The following RBKS variants were observed in gnomAD, a reference collection of about 807,000 sequenced individuals.
The protein encoded by RBKS is ribokinase.
In RBKS, 33 loss-of-function variants were observed where a neutral mutation model predicts 33.9. That is an observed-to-expected ratio of 0.97 (90% CI 0.74 to 1.30). RBKS has a LOEUF of 1.30. Ranked by LOEUF, RBKS falls within the 50% of genes most tolerant of loss-of-function variation. The pLI, the probability that RBKS is intolerant of heterozygous loss-of-function variation, is 0.00. For synonymous variants in RBKS, 125 were observed against 143.0 expected, an observed-to-expected ratio of 0.87 and a Z score of 0.90; for missense variants, 361 against 392.6, an observed-to-expected ratio of 0.92 and a Z score of 0.68.
At chr2:27,887,413 C>A (rs62140363) in intron 1 of RBKS, among the ~76,000 whole-genome samples, 1 of 152,014 alleles carries the variant, frequency 6.6e-6, no homozygotes. Flanking sequence ...AATAAACTTG[C>A]GTTAATTATT....
At chr2:27,823,739 C>T (rs1411236568) in intron 7 of RBKS, among the ~76,000 whole-genome samples, 1 of 152,158 alleles carries the variant, frequency 6.6e-6, no homozygotes, top group African/African-American at 2.4e-5. Context: ...AAAATCACTA[C>T]CCTGGTTCCT....
intron 2 of RBKS, among the ~76,000 whole-genome samples, chr2:27,857,701 T>C (rs1663886706): frequency 6.6e-6 from 1 of 152,200 alleles, no homozygotes; most frequent in Non-Finnish European, 1.5e-5. Flanking sequence ...GTACGCTAAT[T>C]TCCCTCACTT....
intron 7 of RBKS, among the ~76,000 whole-genome samples, chr2:27,824,906 G>A (rs1217723732): frequency 6.6e-6 from 1 of 152,178 alleles, no homozygotes; most frequent in East Asian, 1.9e-4. Context: ...GGAGGCTGAA[G>A]TGGGTGGATT....
At chr2:27,813,905 T>C (rs960325285) in intron 7 of RBKS, among the ~76,000 whole-genome samples, 2 of 152,212 alleles carry the variant, frequency 1.3e-5, no homozygotes, top group Non-Finnish European at 2.9e-5. Flanking sequence ...AAGCTAATAC[T>C]GTCTTCAAAT....
At chr2:27,841,054 G>A (rs72810533) in intron 5 of RBKS, among the ~76,000 whole-genome samples, 2,349 of 152,232 alleles carry the variant, frequency 0.015, 32 homozygotes, top group South Asian at 0.054. Flanking sequence ...AGGCCAAGTG[G>A]TCTGTGGCCC....
chr2:27,802,430 TTGTGTG>T (rs35820162), intron 7 of RBKS, among the ~76,000 whole-genome samples: 39,526 of 148,996 alleles, frequency 0.27, 5,731 homozygotes, highest in East Asian at 0.57. Context: ...GAACATATGT[TTGTGTG>T]TGTGTGTGTG....
At chr2:27,812,964 G>C (rs935077705) in intron 7 of RBKS, among the ~76,000 whole-genome samples, 1 of 151,210 alleles carries the variant, frequency 6.6e-6, no homozygotes, top group African/African-American at 2.4e-5. Context: ...AAAATATGTA[G>C]TTTTATATGC....
At chr2:27,794,924 C>T (rs554993797) in intron 7 of RBKS, among the ~76,000 whole-genome samples, 4 of 152,088 alleles carry the variant, frequency 2.6e-5, no homozygotes, top group South Asian at 2.1e-4. Context: ...ATGCCCAGCC[C>T]AGGAGGAACA....
chr2:27,855,437 A>G (rs962203592), intron 2 of RBKS, among the ~76,000 whole-genome samples: 2 of 152,210 alleles, frequency 1.3e-5, no homozygotes, highest in Non-Finnish European at 2.9e-5. Flanking sequence ...TTACTTGACC[A>G]TGGTCCTCTC....
chr2:27,889,087 G>C (rs1395528816), intron 1 of RBKS, among the ~76,000 whole-genome samples: 2 of 152,124 alleles, frequency 1.3e-5, no homozygotes, highest in Admixed American at 1.3e-4. Flanking sequence ...TCAAGTTTTC[G>C]TCAGTCACTA....
At chr2:27,877,275 G>C (rs754556197) in intron 1 of RBKS, among the ~76,000 whole-genome samples, 5 of 151,594 alleles carry the variant, frequency 3.3e-5, no homozygotes, top group Non-Finnish European at 5.9e-5. Context: ...GGGTGGTTGA[G>C]CTTTGTGTAG....
intron 7 of RBKS, among the ~76,000 whole-genome samples, chr2:27,813,052 AG>A (rs1678022700): frequency 6.6e-6 from 1 of 150,822 alleles, no homozygotes; most frequent in South Asian, 2.1e-4. Flanking sequence ...AAAAAAAAAA[AG>A]AAATTTATAC....
intron 6 of RBKS, among the ~76,000 whole-genome samples, chr2:27,832,367 C>G (rs1678434358): frequency 6.6e-6 from 1 of 152,082 alleles, no homozygotes; most frequent in African/African-American, 2.4e-5. Flanking sequence ...CTAAACCTGG[C>G]AACTTTAATA....
At chr2:27,840,018 TTC>T (rs1275296195) in intron 5 of RBKS, among the ~76,000 whole-genome samples, 1 of 149,152 alleles carries the variant, frequency 6.7e-6, no homozygotes, top group East Asian at 1.9e-4. Context: ...ACCACTCTTC[TTC>T]TTTTTTTTTT....
chr2:27,791,643 C>CACAAAATA (rs1553374280), intron 7 of RBKS, among the ~76,000 whole-genome samples: 1 of 123,094 alleles, frequency 8.1e-6, no homozygotes, highest in African/African-American at 3.3e-5. Context: ...CACACACACA[C>CACAAAATA]TAAATATACA....
At chr2:27,872,873 G>T (rs1573076373) in intron 1 of RBKS, among the ~76,000 whole-genome samples, 2 of 152,282 alleles carry the variant, frequency 1.3e-5, no homozygotes, top group Admixed American at 1.3e-4. Flanking sequence ...GAAGCAATTT[G>T]TGGTGGAAGC....
intron 7 of RBKS, among the ~76,000 whole-genome samples, chr2:27,784,603 A>G (rs538657663): frequency 6.6e-6 from 1 of 152,328 alleles, no homozygotes; most frequent in South Asian, 2.1e-4. Flanking sequence ...AGCCAGATTT[A>G]TAAAGAGAAG....
At position 27,847,077 on chromosome 2, in the gene RBKS, G is replaced by A. The variant is rs1663636074; in HGVS notation, c.314C>T (p.Ala105Val). The change falls in exon 4 of 8, where the codon GCT becomes GTT. Residue 105 changes from alanine (A) to valine (V), a missense_variant. Transcript: ENST00000302188. ...GACAATTATAGAAGCAGTTCCTGTA[G>A]CAGCATCTTTAGTCTGATATGTAAA... ...TEFTYQTKDA[A>V]TGTASIIVNN... 2 of 1,606,154 alleles carry A rather than the reference G, an allele frequency of 1.2e-6. No homozygotes were observed. The highest frequency in any genetic ancestry group is 1.1e-5 in the South Asian group (1 of 90,864).
intron 7 of RBKS, among the ~76,000 whole-genome samples, chr2:27,790,935 A>C (rs1267415317): frequency 6.6e-6 from 1 of 152,250 alleles, no homozygotes; most frequent in Non-Finnish European, 1.5e-5. Context: ...ATCCAAAAGA[A>C]ATGAAAGTAT....
Sources: gnomAD v4.1 joint callset for allele counts (sites outside exome capture counted in the v4.1 genomes callset) on GRCh38, gnomAD v4.1.1 for gene constraint, MANE v1.5 for transcripts, NCBI Gene and HGNC (gene_info 2026-07-23, HGNC 2026-07-21) for gene names.